MAP3K21: variants seen among roughly 807,000 people sequenced by gnomAD.
MAP3K21 encodes the protein mitogen-activated protein kinase kinase kinase MLK4.
Under a neutral mutation model 86.1 loss-of-function variants are expected in MAP3K21, and 63 were observed. That is an observed-to-expected ratio of 0.73 (90% CI 0.60 to 0.90). The LOEUF is 0.90. MAP3K21 is among the 40% of genes least tolerant of loss of function. MAP3K21 has a pLI of 0.00. For synonymous variants in MAP3K21, 558 were observed against 564.8 expected, an observed-to-expected ratio of 0.99 and a Z score of 0.17; for missense variants, 1,220 against 1,367.7, an observed-to-expected ratio of 0.89 and a Z score of 1.70.
intron 4 of MAP3K21, among the ~76,000 whole-genome samples, chr1:233,355,394 A>G (rs560382377): frequency 3.9e-5 from 6 of 152,364 alleles, no homozygotes; most frequent in Admixed American, 3.9e-4. Context: ...GCATTCCCTG[A>G]AATACAGAAT....
At chr1:233,331,059 G>A (rs952336655) in intron 1 of MAP3K21, among the ~76,000 whole-genome samples, 16 of 152,158 alleles carry the variant, frequency 1.1e-4, no homozygotes, top group African/African-American at 3.9e-4. Flanking sequence ...TGGCCGAACA[G>A]TTTTTACTGA....
Position 233,353,846 on chromosome 1 carries a change from C to T in MAP3K21, c.1026C>T (p.Val342=). The change falls in exon 3 of 10, where the codon GTC becomes GTT. Residue 342 remains valine (V), a synonymous_variant. Transcript: ENST00000366624. ...TGTGGGAACTGCTCACCGGAGAAGT[C>T]CCCTATCGGGGCATTGATGGCCTCG... ...VLLWELLTGE[V]PYRGIDGLAV... 2 of 1,609,482 alleles carry T rather than the reference C, an allele frequency of 1.2e-6. No homozygotes were observed. Among genetic ancestry groups the T allele is most frequent in the South Asian group, 1.1e-5 (1 of 90,218 alleles).
At chr1:233,333,172 C>A (rs960036768) in intron 1 of MAP3K21, among the ~76,000 whole-genome samples, 5 of 152,116 alleles carry the variant, frequency 3.3e-5, no homozygotes, top group Admixed American at 2.6e-4. Flanking sequence ...TTAAATAGCT[C>A]ATCAGAGTGA....
Position 233,346,527 on chromosome 1 carries a change from C to A in MAP3K21, c.891C>A (p.His297Gln). ...ITDFGLAREW[H>Q]RTTKMSTAGT... ...ATTTTGGGTTGGCGAGGGAATGGCA[C>A]AGGACCACCAAAATGAGCACAGCAG... The change falls in exon 2 of 10, where the codon CAC (histidine) becomes CAA (glutamine). Residue 297 changes from histidine (H) to glutamine (Q), a missense_variant. Physicochemically the swap from His to Gln is conservative, Grantham distance 24. This residue lies in a region of MAP3K21 where 89 missense variants were observed against 144.8 expected (regional missense o/e 0.61). Coordinates refer to ENST00000366624, the MANE Select transcript of MAP3K21 (RefSeq NM_032435.3). 1.2e-6 allele frequency: 2 copies of A among 1,613,804 alleles called. No individual in the cohort carries two copies. Among genetic ancestry groups the A allele is most frequent in the South Asian group, 1.1e-5 (1 of 91,068 alleles).
At chr1:233,362,020 A>T (rs1362814098) in intron 4 of MAP3K21, 33 bp from the exon 5 acceptor site, 1 of 1,602,084 alleles carries the variant, frequency 6.2e-7, no homozygotes, top group South Asian at 1.1e-5. Context: ...TCCTGCTGGG[A>T]ATGATTCCGG....
chr1:233,353,871 GC>G lies in MAP3K21; in HGVS notation c.1053del (p.Val352TrpfsTer5), dbSNP rs770968661. On this transcript the variant is annotated frameshift_variant, in exon 3 of 10. Transcript: ENST00000366624. LOFTEE classifies it high-confidence loss of function. The stretch of plus-strand genomic sequence containing the variant: ...CCCCTATCGGGGCATTGATGGCCTC[GC>G]CGTGGCTTATGGGGTAGCAGTCAAT... ...EVPYRGIDGL[A>X]VAYGVAVNKL... 3 of 1,613,366 alleles carry G rather than the reference GC, an allele frequency of 1.9e-6. No homozygotes were observed. Among genetic ancestry groups the G allele is most frequent in the Non-Finnish European group, 2.5e-6 (3 of 1,179,750 alleles).
chr1:233,339,077 A>C (rs1662967778), intron 1 of MAP3K21, among the ~76,000 whole-genome samples: 1 of 152,240 alleles, frequency 6.6e-6, no homozygotes, highest in Non-Finnish European at 1.5e-5. Flanking sequence ...GGGTAAAATC[A>C]GGAGTGTGGA....
In MAP3K21 at chr1:233,379,596, A is replaced by G; in HGVS notation, c.2590A>G (p.Asn864Asp). 6.2e-7 allele frequency: 1 copy of G among 1,614,214 alleles called. No homozygotes were observed. The highest frequency in any genetic ancestry group is 8.5e-7 in the Non-Finnish European group (1 of 1,180,022). The change falls in exon 9 of 10, where the codon AAC becomes GAC. Residue 864 changes from asparagine (N) to aspartate (D), a missense_variant. By Grantham distance (23) the Asn-to-Asp change is conservative. This residue lies in a region of MAP3K21 where 632 missense variants were observed against 691.3 expected (regional missense o/e 0.91). Coordinates refer to ENST00000366624, the MANE Select transcript of MAP3K21 (RefSeq NM_032435.3). ...TGACACTGATTGTAGTGTATCAAGA[A>G]ACTTGCCGTCTTCCTTCCTACAGCA... Reference protein sequence around the residue: ...RLDTDCSVSRNLPSSFLQQTC... With the variant: ...RLDTDCSVSRDLPSSFLQQTC...
chr1:233,345,479 A>G (rs1037603850), intron 1 of MAP3K21, among the ~76,000 whole-genome samples: 4 of 151,890 alleles, frequency 2.6e-5, no homozygotes, highest in Non-Finnish European at 5.9e-5. Flanking sequence ...AACTGTCACA[A>G]GGACAGAAAA....
At chr1:233,346,763 G>A in intron 2 of MAP3K21, 141 bp downstream of exon 2, 1 of 730,482 alleles carries the variant, frequency 1.4e-6, no homozygotes, top group South Asian at 1.8e-5. Context: ...CAAAATAATT[G>A]TAATGACAAC....
chr1:233,363,572 G>T (rs1277132633), intron 5 of MAP3K21, among the ~76,000 whole-genome samples: 2 of 151,948 alleles, frequency 1.3e-5, no homozygotes, highest in Non-Finnish European at 2.9e-5. Context: ...CATGGTGGCA[G>T]GTGCCTGTAA....
intron 1 of MAP3K21, among the ~76,000 whole-genome samples, chr1:233,329,913 A>G (rs1662780396): frequency 6.6e-6 from 1 of 152,254 alleles, no homozygotes; most frequent in Non-Finnish European, 1.5e-5. Context: ...ACTTTGCTGT[A>G]TAAAAGAGCC....
At chr1:233,346,096 G>A (rs1173824665) in intron 1 of MAP3K21, among the ~76,000 whole-genome samples, 1 of 152,074 alleles carries the variant, frequency 6.6e-6, no homozygotes, top group Admixed American at 6.6e-5. Flanking sequence ...CTGTACTTAG[G>A]TCAGAAAATA....
At position 233,328,178 on chromosome 1, in the gene MAP3K21, G is replaced by A. The variant is rs1349375098; in HGVS notation, c.150G>A (p.Glu50=). 3 of 1,478,856 alleles carry A rather than the reference G, an allele frequency of 2.0e-6. No individual in the cohort carries two copies. The highest frequency in any genetic ancestry group is 1.8e-6 in the Non-Finnish European group (2 of 1,122,396). 91.6% of individuals were successfully genotyped at this position (1,478,856 alleles called of 1,614,324 possible). A position where few individuals can be genotyped will look rare whatever the true frequency, so the allele number is the denominator to read the frequency against. The change falls in exon 1 of 10, where the codon GAG becomes GAA. Residue 50 remains glutamate (E), a synonymous_variant. Coordinates refer to ENST00000366624, the MANE Select transcript of MAP3K21 (RefSeq NM_032435.3). This position sits in a 1 kb window ranked among gnomAD's most constrained non-coding sequence, Gnocchi z 8.7. ...AGLWAALYDY[E]ARGEDELSLR... The stretch of plus-strand genomic sequence containing the variant: ...TGTGGGCCGCGCTCTATGACTACGA[G>A]GCTCGCGGCGAGGACGAGCTGAGCC...
At chr1:233,329,874 A>C (rs1007914670) in intron 1 of MAP3K21, among the ~76,000 whole-genome samples, 2 of 152,238 alleles carry the variant, frequency 1.3e-5, no homozygotes, top group African/African-American at 4.8e-5. Context: ...TAAAGAACTG[A>C]CAAATGACTT....
chr1:233,348,656 C>T lies in MAP3K21; in HGVS notation c.986+2034C>T, dbSNP rs557743597. On this transcript the variant is annotated intron_variant, in intron 2 of 9. Transcript: ENST00000366624. ...CGATTTCTCTCCATCTTCCTTGTCACTTGTCATCTGACCTTTTGATTCGGG... is the reference window on the plus strand; with the variant it reads ...CGATTTCTCTCCATCTTCCTTGTCATTTGTCATCTGACCTTTTGATTCGGG... 3.9e-5 allele frequency among the ~76,000 whole-genome samples: 6 copies of T among 152,232 alleles called. No homozygotes were observed. The South Asian group carries it at 1.2e-3, about 32-fold the overall frequency.
Position 233,346,378 on chromosome 1 carries a change from C to T in MAP3K21, c.806-64C>T, listed in dbSNP as rs79648644. The T allele has an allele frequency of 2.9e-3, 3,802 of 1,320,328 alleles. 96 individuals carry two copies. The African/African-American group carries it at 0.05, about 17-fold the overall frequency. The allele number at this position is 1,320,328 out of a possible 1,614,324, so 81.8% of individuals were successfully genotyped here. A position where few individuals can be genotyped will look rare whatever the true frequency, so the allele number is the denominator to read the frequency against. ...AGTGAAGATTGTGTTTTACATGCCA[C>T]AGAAAAATTGTGACAGAAAAATTAA... On this transcript the variant is annotated intron_variant, in intron 1 of 9. Transcript: ENST00000366624.
intron 1 of MAP3K21, among the ~76,000 whole-genome samples, chr1:233,336,670 C>T (rs985354872): frequency 1.3e-5 from 2 of 152,212 alleles, no homozygotes; most frequent in Admixed American, 6.5e-5. Flanking sequence ...TGTGCTTTAA[C>T]ATAGATTTAA....
intron 6 of MAP3K21, 99 bp downstream of exon 6, chr1:233,372,259 T>A: frequency 7.1e-7 from 1 of 1,415,138 alleles, no homozygotes; most frequent in Non-Finnish European, 9.9e-7. Flanking sequence ...TAGCAGGTTG[T>A]AGATGAGTGT....
Sources: gnomAD v4.1 joint callset for allele counts (sites outside exome capture counted in the v4.1 genomes callset) on GRCh38, gnomAD v4.1.1 for gene constraint, gnomAD v4.1.1 regional missense constraint, Gnocchi (gnomAD v3.1) non-coding constraint, MANE v1.5 for transcripts, NCBI Gene and HGNC (gene_info 2026-07-23, HGNC 2026-07-21) for gene names.